The following FAM240C variants were observed in gnomAD, a reference collection of about 807,000 sequenced individuals.
FAM240C encodes the protein protein FAM240C.
A neutral mutation model predicts 10.0 loss-of-function variants in FAM240C; 14 were observed. That is an observed-to-expected ratio of 1.40 (90% CI 0.92 to 2.19). The LOEUF (loss-of-function observed/expected upper bound fraction) is 2.19. Among genes scored for constraint, FAM240C ranks in the 30% most tolerant of loss-of-function variants. The pLI is 0.00. For missense variants in FAM240C, 154 were observed against 122.3 expected, an observed-to-expected ratio of 1.26 and a Z score of -1.22; for synonymous variants, 49 against 44.3, an observed-to-expected ratio of 1.11 and a Z score of -0.42.
At position 241,894,080 on chromosome 2, in the gene FAM240C, G is replaced by T. The variant is rs1221779786; in HGVS notation, c.*133C>A. ...TGGACCCCGAGGTGGGATTATTACG[G>T]GGTCAGCGAGGTGCGGGCCATTTCC... On this transcript the variant is annotated 3_prime_UTR_variant, in exon 3 of 3. Coordinates refer to ENST00000404031, the MANE Select transcript of FAM240C (RefSeq NM_001382368.1). 9.6e-7 allele frequency: 1 copy of T among 1,037,500 alleles called. No homozygotes were observed. The highest frequency in any genetic ancestry group is 1.4e-6 in the Non-Finnish European group (1 of 734,648). 64.3% of individuals were successfully genotyped at this position (1,037,500 alleles called of 1,614,324 possible).
chr2:241,901,577 T>C (rs1380574577), upstream of FAM240C, among the ~76,000 whole-genome samples: 1 of 152,164 alleles, frequency 6.6e-6, no homozygotes, highest in African/African-American at 2.4e-5. This position sits in a 1 kb window ranked among gnomAD's most constrained non-coding sequence, Gnocchi z 4.9. Context: ...CCTTGATCTG[T>C]GGCTCCCTGC....
At position 241,900,454 on chromosome 2, in the gene FAM240C, C is replaced by A; in HGVS notation, c.-85G>T. On this transcript the variant is annotated 5_prime_UTR_variant, in exon 1 of 3. Coordinates refer to ENST00000404031, the MANE Select transcript of FAM240C (RefSeq NM_001382368.1). The surrounding 1 kb of genome is among the most constrained non-coding windows in gnomAD (Gnocchi z 4.5). ...GGGTGCACGCCTGTATCTCGCCTGC[C>A]GCTCTCTGTTACATGGGCTCAGTGA... 1 of 708,078 alleles carries A rather than the reference C, an allele frequency of 1.4e-6. No individual in the cohort carries two copies. Among genetic ancestry groups the A allele is most frequent in the South Asian group, 1.5e-5 (1 of 66,876 alleles). 43.9% of individuals were successfully genotyped at this position (708,078 alleles called of 1,614,324 possible).
At chr2:241,898,132 C>G (rs1382906986) in intron 1 of FAM240C, among the ~76,000 whole-genome samples, 2 of 152,214 alleles carry the variant, frequency 1.3e-5, no homozygotes, top group African/African-American at 4.8e-5. Flanking sequence ...CACTGAAAAA[C>G]TTCAGCTCTG....
chr2:241,894,474 C>T lies in FAM240C; in HGVS notation c.162-135G>A, dbSNP rs565994271. The T allele has an allele frequency of 1.9e-4, 187 of 995,800 alleles. No individual in the cohort carries two copies. The African/African-American group carries it at 2.8e-3, about 15-fold the overall frequency. 61.7% of individuals were successfully genotyped at this position (995,800 alleles called of 1,614,324 possible). On this transcript the variant is annotated intron_variant, in intron 2 of 2. Transcript: ENST00000404031. ...CTCCCTGCCAGGGGTGGGGGTGTCA[C>T]CGCATCCCTGCCCAGCCAGCAGCTG...
intron 1 of FAM240C, chr2:241,899,286 G>A (rs774643981): frequency 4.4e-5 from 56 of 1,260,972 alleles, no homozygotes; most frequent in Non-Finnish European, 5.3e-5. Flanking sequence ...GGTGCTGGGC[G>A]CTTTGCTGGG....
intron 2 of FAM240C, among the ~76,000 whole-genome samples, chr2:241,896,587 TGGGGTGTGGGTGAAGGGGTGTGGGTGTG>T (rs1701817066): frequency 8.9e-4 from 5 of 5,624 alleles, no homozygotes; most frequent in East Asian, 6.0e-3. Context: ...GTGTGGGTGT[TGGGGTGTGGGTGAAGGGGTGTGGGTGTG>T]GGGGTGTGGG....
Position 241,894,132 on chromosome 2 carries a change from G to A in FAM240C, c.*81C>T, listed in dbSNP as rs1023749530. 10 of 1,447,494 alleles carry A rather than the reference G, an allele frequency of 6.9e-6. No homozygotes were observed. Among genetic ancestry groups the A allele is most frequent in the African/African-American group, 1.4e-5 (1 of 70,726 alleles). 89.7% of individuals were successfully genotyped at this position (1,447,494 alleles called of 1,614,324 possible). On this transcript the variant is annotated 3_prime_UTR_variant, in exon 3 of 3. Coordinates refer to ENST00000404031, the MANE Select transcript of FAM240C (RefSeq NM_001382368.1). ...TGATGAAGATCCTGTGAACTCTGGC[G>A]TGGATGCTTGGACCCCACGCGTGGT...
chr2:241,895,609 G>T (rs547522974), intron 2 of FAM240C, among the ~76,000 whole-genome samples: 26 of 152,364 alleles, frequency 1.7e-4, no homozygotes, highest in African/African-American at 6.0e-4. Context: ...AACCCTAAGA[G>T]TGACCTCCTT....
chr2:241,896,054 T>A (rs1021877181), intron 2 of FAM240C, among the ~76,000 whole-genome samples: 5 of 151,454 alleles, frequency 3.3e-5, no homozygotes, highest in African/African-American at 1.2e-4. Context: ...GGGTAGCTGG[T>A]GAGTGGGGAG....
intron 1 of FAM240C, among the ~76,000 whole-genome samples, chr2:241,898,588 A>T (rs1174506100): frequency 7.0e-6 from 1 of 142,378 alleles, no homozygotes; most frequent in Non-Finnish European, 1.5e-5. Flanking sequence ...AATGTCCGTG[A>T]CAAAGGGAAA....
intron 2 of FAM240C, among the ~76,000 whole-genome samples, chr2:241,895,676 G>A (rs1162173853): frequency 6.6e-6 from 1 of 152,200 alleles, no homozygotes; most frequent in African/African-American, 2.4e-5. Flanking sequence ...GGTGGATGGA[G>A]GGGGGTTGTG....
upstream of FAM240C, among the ~76,000 whole-genome samples, chr2:241,901,839 G>A (rs1393713313): frequency 6.6e-6 from 1 of 152,196 alleles, no homozygotes; most frequent in Admixed American, 6.5e-5. This position sits in a 1 kb window ranked among gnomAD's most constrained non-coding sequence, Gnocchi z 4.9. Context: ...GGTCCTATGC[G>A]CGAGCGCCCC....
chr2:241,901,730 A>G (rs1434732423), upstream of FAM240C, among the ~76,000 whole-genome samples: 1 of 152,236 alleles, frequency 6.6e-6, no homozygotes, highest in Non-Finnish European at 1.5e-5. This position sits in a 1 kb window ranked among gnomAD's most constrained non-coding sequence, Gnocchi z 4.9. Context: ...TGCGTGCAGC[A>G]CCGATGGGAG....
intron 2 of FAM240C, among the ~76,000 whole-genome samples, 196 bp downstream of exon 2, chr2:241,896,990 C>G (rs28490306): frequency 0.22 from 33,834 of 151,768 alleles, 4,087 homozygotes; most frequent in South Asian, 0.32. Flanking sequence ...CTGTTCCAAG[C>G]GTGATCACTA....
At position 241,894,250 on chromosome 2, in the gene FAM240C, G is replaced by A; in HGVS notation, c.251C>T (p.Thr84Ile). The change falls in exon 3 of 3, where the codon ACT (threonine) becomes ATT (isoleucine). Residue 84 changes from threonine to isoleucine, a missense_variant. Physicochemically the swap from Thr to Ile is moderately conservative, Grantham distance 89. Coordinates refer to ENST00000404031, the MANE Select transcript of FAM240C (RefSeq NM_001382368.1). ...CTTGTCCTTGGTGTGGAGGGACTCA[G>A]TGGCCTCCGGGACCCTGTCTGGGCA... ...GRCPDRVPEA[T>I]ESLHTKDKKA... 1 of 1,550,060 alleles carries A rather than the reference G, an allele frequency of 6.5e-7. No individual in the cohort carries two copies. The highest frequency in any genetic ancestry group is 8.7e-7 in the Non-Finnish European group (1 of 1,146,822).
At chr2:241,895,451 C>T (rs1042565687) in intron 2 of FAM240C, among the ~76,000 whole-genome samples, 5 of 152,214 alleles carry the variant, frequency 3.3e-5, no homozygotes, top group Non-Finnish European at 7.4e-5. Flanking sequence ...CCAGGGGCTG[C>T]GAATGGCCGG....
At position 241,895,072 on chromosome 2, in the gene FAM240C, G is replaced by C. The variant is rs1023163312; in HGVS notation, c.162-733C>G. 4.6e-5 allele frequency among the ~76,000 whole-genome samples: 7 copies of C among 152,370 alleles called. No individual in the cohort carries two copies. In the South Asian group the frequency reaches 1.2e-3, roughly 27 times the overall value. ...GGTGGGTGCCCGGCTCCAGCCAAGG[G>C]TGAGCTGTGTCCATGAGGACACTTG... On this transcript the variant is annotated intron_variant, in intron 2 of 2. Coordinates refer to ENST00000404031, the MANE Select transcript of FAM240C (RefSeq NM_001382368.1).
In FAM240C at chr2:241,894,155, G is replaced by T; in HGVS notation, c.*58C>A. On this transcript the variant is annotated 3_prime_UTR_variant, in exon 3 of 3. Transcript: ENST00000404031. ...GCGTGGATGCTTGGACCCCACGCGT[G>T]GTGTTCCTTCTCCATGACCCTCCGG... is the stretch of plus-strand genomic sequence containing the variant. 6.6e-7 allele frequency: 1 copy of T among 1,516,124 alleles called. No homozygotes were observed. The highest frequency in any genetic ancestry group is 2.0e-5 in the Admixed American group (1 of 49,118). The allele number at this position is 1,516,124 out of a possible 1,614,324, so 93.9% of individuals were successfully genotyped here. A position where few individuals can be genotyped will look rare whatever the true frequency, so the allele number is the denominator to read the frequency against.
rs572396339 is a variant in FAM240C at position 241,894,993 on chromosome 2, A to G, written c.162-654T>C. On this transcript the variant is annotated intron_variant, in intron 2 of 2. Transcript: ENST00000404031. ...CCTGGGCAGATCCCCACCTGCCCGC[A>G]GCTGCCGCTTCCTTCAGCCTCAAGT... 2.2e-4 allele frequency among the ~76,000 whole-genome samples: 33 copies of G among 152,214 alleles called. No individual in the cohort carries two copies. The South Asian group carries it at 6.6e-3, about 31-fold the overall frequency.
Sources: allele counts gnomAD v4.1 joint callset (sites outside exome capture counted in the v4.1 genomes callset), GRCh38; gene constraint gnomAD v4.1.1; non-coding constraint Gnocchi (gnomAD v3.1); transcripts MANE v1.5; gene names NCBI Gene and HGNC (gene_info 2026-07-23, HGNC 2026-07-21).